SERPINI1: variants seen among roughly 807,000 people sequenced by gnomAD.
SERPINI1 encodes neuroserpin.
SERPINI1 carries 19 observed loss-of-function variants against 41.1 expected under a neutral mutation model. The observed-to-expected ratio is 0.46, with a 90% CI of 0.32 to 0.68. The LOEUF is 0.68. SERPINI1 is among the 30% of genes least tolerant of loss of function. The probability of loss-of-function intolerance (pLI) is 0.03; values close to 1 mark genes in which losing one functional copy is unlikely to be tolerated. For missense variants in SERPINI1, 460 were observed against 479.2 expected, an observed-to-expected ratio of 0.96 and a Z score of 0.37; for synonymous variants, 138 against 156.6, an observed-to-expected ratio of 0.88 and a Z score of 0.89.
At chr3:167,812,882 G>T (rs1711940997) in intron 6 of SERPINI1, among the ~76,000 whole-genome samples, 1 of 152,106 alleles carries the variant, frequency 6.6e-6, no homozygotes, top group South Asian at 2.1e-4. Flanking sequence ...TCATCTACTT[G>T]CAGCGAGGAT....
At chr3:167,745,850 A>G (rs1364972559) in intron 1 of SERPINI1, among the ~76,000 whole-genome samples, 1 of 152,182 alleles carries the variant, frequency 6.6e-6, no homozygotes, top group Non-Finnish European at 1.5e-5. Context: ...AATTTAACAA[A>G]AATGCAAGAA....
chr3:167,825,258 T>C lies in SERPINI1; in HGVS notation c.1168T>C (p.Phe390Leu). The C allele has an allele frequency of 6.2e-7, 1 of 1,611,996 alleles. No homozygotes were observed. The change falls in exon 9 of 9, where the codon TTC becomes CTC. Residue 390 changes from phenylalanine (F) to leucine (L), a missense_variant. Coordinates refer to ENST00000446050, the MANE Select transcript of SERPINI1 (RefSeq NM_001122752.2). The stretch of plus-strand genomic sequence containing the variant: ...CTGAACCAATACAGGTACAATTCTA[T>C]TCATGGGACGAGTCATGCATCCTGA... ...IRNRRTGTIL[F>L]MGRVMHPETM...
chr3:167,757,406 T>C (rs1302955267), intron 1 of SERPINI1, among the ~76,000 whole-genome samples: 1 of 152,192 alleles, frequency 6.6e-6, no homozygotes, highest in Non-Finnish European at 1.5e-5. Context: ...TGGTGTTACA[T>C]AGGAATTTCT....
chr3:167,751,594 G>A (rs371813401), intron 1 of SERPINI1, among the ~76,000 whole-genome samples: 9 of 152,102 alleles, frequency 5.9e-5, no homozygotes, highest in Non-Finnish European at 7.4e-5. Context: ...AAATTACTCC[G>A]CTAAATATAT....
chr3:167,748,752 C>CTGTGTGTGTGTGTGTGTGTGTG (rs34438429), intron 1 of SERPINI1, among the ~76,000 whole-genome samples: 5 of 143,548 alleles, frequency 3.5e-5, no homozygotes, highest in Non-Finnish European at 7.6e-5. Flanking sequence ...GTGTGTTACT[C>CTGTGTGTGTGTGTGTGTGTGTG]TGTGTGTGTG....
chr3:167,766,678 G>T (rs1429343446), intron 1 of SERPINI1, among the ~76,000 whole-genome samples: 3 of 152,240 alleles, frequency 2.0e-5, no homozygotes, highest in African/African-American at 7.2e-5. Context: ...TGAGCACATG[G>T]ATGATAGAAG....
Position 167,823,147 on chromosome 3 carries a change from A to AT in SERPINI1, c.1066+79dup, listed in dbSNP as rs1397049278. ...GCAATCTTGAGTGGGGAGTGGGGTC[A>AT]TTTTCAAAATGAAGCCAAAAAAGTC... On this transcript the variant is annotated intron_variant, in intron 7 of 8. Coordinates refer to ENST00000446050, the MANE Select transcript of SERPINI1 (RefSeq NM_001122752.2). 4.9e-6 allele frequency: 5 copies of AT among 1,025,100 alleles called. No individual in the cohort carries two copies. In the African/African-American group the frequency reaches 7.9e-5, roughly 16 times the overall value. 63.5% of individuals were successfully genotyped at this position (1,025,100 alleles called of 1,614,324 possible).
Position 167,792,710 on chromosome 3 carries a change from C to G in SERPINI1, c.602C>G (p.Thr201Ser), listed in dbSNP as rs778816229. The change falls in exon 4 of 9, where the codon ACC becomes AGC. Residue 201 changes from threonine to serine, a missense_variant. Thr to Ser is a moderately conservative substitution (Grantham distance 58). Coordinates refer to ENST00000446050, the MANE Select transcript of SERPINI1 (RefSeq NM_001122752.2). The part of the protein sequence containing the change: ...KSQFRPENTR[T>S]FSFTKDDESE... The stretch of plus-strand genomic sequence containing the variant: ...CAGTTTAGGCCTGAAAATACTAGAA[C>G]CTTTTCTTTCACTAAAGATGATGAA... The G allele has an allele frequency of 4.3e-6, 7 of 1,613,802 alleles. No individual in the cohort carries two copies. The highest frequency in any genetic ancestry group is 1.7e-5 in the Admixed American group (1 of 59,938).
chr3:167,820,775 C>T (rs1577437069), intron 6 of SERPINI1, among the ~76,000 whole-genome samples: 1 of 152,180 alleles, frequency 6.6e-6, no homozygotes, highest in South Asian at 2.1e-4. Flanking sequence ...AGGGGAGGGT[C>T]CCCAGTGAAA....
chr3:167,761,455 G>A lies in SERPINI1; in HGVS notation c.-19+25632G>A, dbSNP rs190997672. Among the ~76,000 whole-genome samples, 305 of 152,274 alleles carry A rather than the reference G, an allele frequency of 2.0e-3. 1 individual carries two copies. Among genetic ancestry groups the A allele is most frequent in the African/African-American group, 7.2e-3 (301 of 41,562 alleles). On this transcript the variant is annotated intron_variant, in intron 1 of 8. Transcript: ENST00000446050. ...TTAAAGATTTGATTGATGTGGTGGGGTGGAGGACTAGTGAGTAATACCTTT... is the reference window on the plus strand; with the variant it reads ...TTAAAGATTTGATTGATGTGGTGGGATGGAGGACTAGTGAGTAATACCTTT...
chr3:167,746,161 A>G (rs1725858709), intron 1 of SERPINI1, among the ~76,000 whole-genome samples: 1 of 152,166 alleles, frequency 6.6e-6, no homozygotes, highest in South Asian at 2.1e-4. Context: ...TTGATTTTCA[A>G]CAGGGTGCTG....
At chr3:167,799,131 T>G (rs1727809898) in intron 5 of SERPINI1, among the ~76,000 whole-genome samples, 1 of 152,082 alleles carries the variant, frequency 6.6e-6, no homozygotes, top group South Asian at 2.1e-4. Flanking sequence ...CCATGGTGGT[T>G]TGCTGCACCC....
chr3:167,816,923 C>T (rs1436518763), intron 6 of SERPINI1, among the ~76,000 whole-genome samples: 1 of 151,888 alleles, frequency 6.6e-6, no homozygotes, highest in Admixed American at 6.6e-5. Context: ...ATTTGAAGCA[C>T]GGCATATGGG....
At chr3:167,762,422 C>G (rs1726417598) in intron 1 of SERPINI1, among the ~76,000 whole-genome samples, 1 of 152,288 alleles carries the variant, frequency 6.6e-6, no homozygotes, top group Middle Eastern at 3.4e-3. Context: ...CCCTTCTCCA[C>G]CCAGCTACTG....
At chr3:167,793,961 G>C (rs1240986630) in intron 4 of SERPINI1, among the ~76,000 whole-genome samples, 2 of 150,572 alleles carry the variant, frequency 1.3e-5, no homozygotes, top group Admixed American at 6.6e-5. Context: ...AAATATAATA[G>C]CTAAATATTA....
intron 1 of SERPINI1, among the ~76,000 whole-genome samples, chr3:167,772,360 A>G (rs990929789): frequency 6.6e-6 from 1 of 152,164 alleles, no homozygotes; most frequent in Non-Finnish European, 1.5e-5. Context: ...CCACTCACCT[A>G]TGAAATTCTA....
intron 1 of SERPINI1, among the ~76,000 whole-genome samples, chr3:167,767,199 G>A (rs1016460713): frequency 6.6e-6 from 1 of 152,178 alleles, no homozygotes; most frequent in African/African-American, 2.4e-5. Flanking sequence ...TAATCTTAGG[G>A]CACTTAAGAA....
chr3:167,789,119 CTG>C lies in SERPINI1; in HGVS notation c.-8_-7del. On this transcript the variant is annotated 5_prime_UTR_variant, in exon 2 of 9. Transcript: ENST00000446050. Reference sequence around the variant, plus strand: ...AAATTGTTGTTTTTTAGGCTTGAAACTGTTACAATATGGCTTTCCTTGGACTC... The same window carrying C: ...AAATTGTTGTTTTTTAGGCTTGAAACTTACAATATGGCTTTCCTTGGACTC... 1.9e-6 allele frequency: 3 copies of C among 1,613,536 alleles called. No homozygotes were observed. The highest frequency in any genetic ancestry group is 1.3e-5 in the African/African-American group (1 of 75,040).
chr3:167,823,637 TA>T (rs941778708), intron 7 of SERPINI1, among the ~76,000 whole-genome samples: 4 of 152,210 alleles, frequency 2.6e-5, no homozygotes, highest in African/African-American at 9.7e-5. Context: ...CAGTTATTTT[TA>T]AATGTACAAC....
Sources: gnomAD v4.1 joint callset for allele counts (sites outside exome capture counted in the v4.1 genomes callset) on GRCh38, gnomAD v4.1.1 for gene constraint, MANE v1.5 for transcripts, NCBI Gene and HGNC (gene_info 2026-07-23, HGNC 2026-07-21) for gene names.